Variants in KCNH7 observed in about 807,000 individuals in gnomAD.
KCNH7 encodes the protein potassium voltage-gated channel subfamily H member 7, also known as voltage-gated inwardly rectifying potassium channel KCNH7.
Under a neutral mutation model 120.8 loss-of-function variants are expected in KCNH7, and 49 were observed. That is an observed-to-expected ratio of 0.41 (90% CI 0.32 to 0.51). KCNH7 has a LOEUF of 0.51. Among genes scored for constraint, KCNH7 ranks in the 20% least tolerant of loss-of-function variants. KCNH7 has a pLI of 0.38. For synonymous variants in KCNH7, 547 were observed against 516.1 expected, an observed-to-expected ratio of 1.06 and a Z score of -0.81; for missense variants, 1,097 against 1,446.6, an observed-to-expected ratio of 0.76 and a Z score of 3.92.
At chr2:162,719,927 A>C (rs1290874170) in intron 2 of KCNH7, among the ~76,000 whole-genome samples, 1 of 152,066 alleles carries the variant, frequency 6.6e-6, no homozygotes, top group East Asian at 1.9e-4. Flanking sequence ...ATGTTTAATC[A>C]TATTTAAAAT....
intron 2 of KCNH7, among the ~76,000 whole-genome samples, chr2:162,566,210 C>T (rs1559018300): frequency 6.6e-6 from 1 of 152,026 alleles, no homozygotes; most frequent in African/African-American, 2.4e-5. Flanking sequence ...CTGTGCTTCT[C>T]CTTTCCATCA....
intron 2 of KCNH7, among the ~76,000 whole-genome samples, chr2:162,638,867 C>A (rs985480370): frequency 1.3e-5 from 2 of 152,146 alleles, no homozygotes; most frequent in African/African-American, 4.8e-5. Context: ...TGGAAATTCA[C>A]TGGTGAACTG....
intron 2 of KCNH7, among the ~76,000 whole-genome samples, chr2:162,617,946 A>AT (rs904282689): frequency 6.9e-4 from 104 of 150,978 alleles, no homozygotes; most frequent in Middle Eastern, 3.4e-3. Flanking sequence ...GATTTTGGGG[A>AT]TTTTTTTTTA....
At chr2:162,691,270 T>G (rs1186092590) in intron 2 of KCNH7, among the ~76,000 whole-genome samples, 1 of 152,200 alleles carries the variant, frequency 6.6e-6, no homozygotes, top group African/African-American at 2.4e-5. Context: ...CTAGGACCAC[T>G]GTTACGATTT....
chr2:162,645,257 C>G (rs1481901205), intron 2 of KCNH7, among the ~76,000 whole-genome samples: 1 of 152,086 alleles, frequency 6.6e-6, no homozygotes, highest in Non-Finnish European at 1.5e-5. Flanking sequence ...AAGTGATTCT[C>G]TTGCCTCAGC....
chr2:162,474,216 A>C (rs1689657791), intron 6 of KCNH7, among the ~76,000 whole-genome samples: 1 of 152,256 alleles, frequency 6.6e-6, no homozygotes, highest in Non-Finnish European at 1.5e-5. Context: ...TGGCAGAACC[A>C]GGATTAGAAG....
At chr2:162,623,071 A>G (rs1489339511) in intron 2 of KCNH7, among the ~76,000 whole-genome samples, 2 of 152,168 alleles carry the variant, frequency 1.3e-5, no homozygotes, top group Non-Finnish European at 2.9e-5. Context: ...GACAGATTTT[A>G]TGCTCAAAAA....
intron 2 of KCNH7, among the ~76,000 whole-genome samples, chr2:162,787,914 C>T (rs1474172127): frequency 2.0e-5 from 3 of 152,320 alleles, no homozygotes; most frequent in African/African-American, 4.8e-5. Flanking sequence ...CTAAGGACTC[C>T]AGCAGCAAGG....
chr2:162,379,995 G>C lies in KCNH7; in HGVS notation c.2989C>G (p.Arg997Gly), dbSNP rs201692254. 3.7e-6 allele frequency: 6 copies of C among 1,613,966 alleles called. No individual in the cohort carries two copies. In the East Asian group the frequency reaches 6.7e-5, roughly 18 times the overall value. Residue 997 changes from arginine to glycine, a missense_variant, in exon 14 of 16, where the codon CGA becomes GGA. Coordinates refer to ENST00000332142, the MANE Select transcript of KCNH7 (RefSeq NM_033272.4). ...TCAGGCTGGGGATGTGCATTTTCTC[G>C]TTCCCAGCTTCGCATGTCAGTGATA... is the stretch of plus-strand genomic sequence containing the variant. ...KDITDMRSWERENAHPQPEDS... is the reference protein window; with the variant it reads ...KDITDMRSWEGENAHPQPEDS...
intron 2 of KCNH7, among the ~76,000 whole-genome samples, chr2:162,643,609 C>T (rs1684241512): frequency 6.6e-6 from 1 of 151,798 alleles, no homozygotes; most frequent in African/African-American, 2.4e-5. Context: ...GAGATCAAGA[C>T]CATCCTGGCC....
At chr2:162,562,837 C>G (rs1427471246) in intron 2 of KCNH7, among the ~76,000 whole-genome samples, 1 of 152,166 alleles carries the variant, frequency 6.6e-6, no homozygotes, top group Non-Finnish European at 1.5e-5. Flanking sequence ...AGCATAAACT[C>G]TTTCCTTCTA....
chr2:162,821,710 G>A lies in KCNH7; in HGVS notation c.307+14827C>T, dbSNP rs566849435. Among the ~76,000 whole-genome samples, 8 of 152,176 alleles carry A rather than the reference G, an allele frequency of 5.3e-5. No individual in the cohort carries two copies. In the East Asian group the frequency reaches 1.4e-3, roughly 26 times the overall value. On this transcript the variant is annotated intron_variant, in intron 2 of 15. Transcript: ENST00000332142. ...TCTTGCTTTGGATAATAAATCATAC[G>A]ATCACCTTAACTGTGGTGCTTATAT...
At chr2:162,600,663 G>A (rs1204929972) in intron 2 of KCNH7, among the ~76,000 whole-genome samples, 2 of 152,036 alleles carry the variant, frequency 1.3e-5, no homozygotes, top group Admixed American at 6.6e-5. Context: ...TTGGAATATG[G>A]GGCAAATAAG....
intron 2 of KCNH7, among the ~76,000 whole-genome samples, chr2:162,606,761 C>A (rs542791228): frequency 6.2e-4 from 95 of 152,194 alleles, no homozygotes; most frequent in Admixed American, 1.0e-3. Context: ...AGAAATGTGA[C>A]AAGATCATTT....
At chr2:162,422,217 C>T (rs1687729201) in intron 9 of KCNH7, among the ~76,000 whole-genome samples, 3 of 152,102 alleles carry the variant, frequency 2.0e-5, no homozygotes, top group Admixed American at 1.3e-4. Context: ...ATAAACTTAT[C>T]CATATATAAA....
In KCNH7 at chr2:162,373,682, A is replaced by C; in HGVS notation, c.3132-20T>G. ...TCAAGCCTACAGAACAGACAGAAGT[A>C]GGAAAAGACAGTCTAAAATAGTCCA... On this transcript the variant is annotated intron_variant, in intron 14 of 15. Transcript: ENST00000332142. The C allele has an allele frequency of 7.0e-7, 1 of 1,421,426 alleles. No individual in the cohort carries two copies. The highest frequency in any genetic ancestry group is 1.7e-5 in the South Asian group (1 of 60,170). The allele number at this position is 1,421,426 out of a possible 1,614,324, so 88.1% of individuals were successfully genotyped here.
intron 2 of KCNH7, among the ~76,000 whole-genome samples, chr2:162,671,771 AAAG>A (rs980011550): frequency 5.9e-5 from 9 of 152,210 alleles, no homozygotes; most frequent in East Asian, 3.9e-4. Flanking sequence ...TCTAATAAAA[AAAG>A]AAGGACCAAG....
intron 2 of KCNH7, among the ~76,000 whole-genome samples, chr2:162,602,967 A>G (rs1469466741): frequency 1.3e-5 from 2 of 150,158 alleles, no homozygotes; most frequent in South Asian, 2.1e-4. Flanking sequence ...TTTTTTGGTA[A>G]TGTTTCTGCA....
chr2:162,728,783 C>T (rs1014600448), intron 2 of KCNH7, among the ~76,000 whole-genome samples: 38 of 152,068 alleles, frequency 2.5e-4, no homozygotes, highest in African/African-American at 8.4e-4. Context: ...CATCTCAAAA[C>T]AAAACAAAAC....
Sources: allele counts gnomAD v4.1 joint callset (sites outside exome capture counted in the v4.1 genomes callset), GRCh38; gene constraint gnomAD v4.1.1; transcripts MANE v1.5; gene names NCBI Gene and HGNC (gene_info 2026-07-23, HGNC 2026-07-21).